RYR3: variants seen among roughly 807,000 people sequenced by gnomAD.
RYR3 encodes the protein ryanodine receptor 3, also known as brain ryanodine receptor-calcium release channel.
Under a neutral mutation model 584.3 loss-of-function variants are expected in RYR3, and 207 were observed. That is an observed-to-expected ratio of 0.35 (90% CI 0.32 to 0.40). The LOEUF (loss-of-function observed/expected upper bound fraction) is 0.40, where lower values mean the gene tolerates loss of function less well. Among genes scored for constraint, RYR3 ranks in the 10% least tolerant of loss-of-function variants. The pLI, the probability that RYR3 is intolerant of heterozygous loss-of-function variation, is 1.00. For missense variants in RYR3, 5,616 were observed against 6,089.2 expected (o/e 0.92, Z 2.59); for synonymous variants, 2,416 against 2,248.5 (o/e 1.07, Z -2.11).
chr15:33,561,728 A>G (rs1424983847), intron 10 of RYR3, among the ~76,000 whole-genome samples: 1 of 151,824 alleles, frequency 6.6e-6, no homozygotes, highest in Non-Finnish European at 1.5e-5. Flanking sequence ...ACAAAACAAC[A>G]ACAACAACAA....
intron 43 of RYR3, among the ~76,000 whole-genome samples, chr15:33,719,984 TG>T (rs1388099874): frequency 6.6e-6 from 1 of 152,222 alleles, no homozygotes; most frequent in Non-Finnish European, 1.5e-5. Context: ...TAATAAAAAC[TG>T]ATTGTTTTTT....
chr15:33,400,793 A>G (rs2042610339), intron 1 of RYR3, among the ~76,000 whole-genome samples: 1 of 152,202 alleles, frequency 6.6e-6, no homozygotes, highest in Non-Finnish European at 1.5e-5. Flanking sequence ...CCACCAACGC[A>G]TAATCCAACA....
intron 1 of RYR3, among the ~76,000 whole-genome samples, chr15:33,471,926 G>A (rs1266756666): frequency 6.6e-6 from 1 of 152,044 alleles, no homozygotes; most frequent in Non-Finnish European, 1.5e-5. Context: ...GGATCCTAAC[G>A]CCCCTGGTTG....
chr15:33,384,453 TTATAA>T (rs1342218468), intron 1 of RYR3, among the ~76,000 whole-genome samples: 1 of 140,320 alleles, frequency 7.1e-6, no homozygotes, highest in East Asian at 2.0e-4. Flanking sequence ...ATTAATATAA[TTATAA>T]TATTATATTA....
intron 60 of RYR3, among the ~76,000 whole-genome samples, chr15:33,762,015 T>A (rs2152869478): frequency 6.6e-6 from 1 of 152,300 alleles, no homozygotes; most frequent in South Asian, 2.1e-4. Flanking sequence ...AACCACATGA[T>A]TATCTCAATA....
chr15:33,480,944 T>G (rs2049906068), intron 2 of RYR3, among the ~76,000 whole-genome samples: 1 of 152,220 alleles, frequency 6.6e-6, no homozygotes, highest in South Asian at 2.1e-4. Context: ...TTAAAAACTA[T>G]GAGGATTTGT....
At chr15:33,349,994 T>A (rs1973030143) in intron 1 of RYR3, among the ~76,000 whole-genome samples, 1 of 151,960 alleles carries the variant, frequency 6.6e-6, no homozygotes, top group East Asian at 1.9e-4. Context: ...CAGTCTATCA[T>A]TGTTGGACAT....
At chr15:33,519,450 C>T (rs983287135) in intron 3 of RYR3, among the ~76,000 whole-genome samples, 13 of 151,982 alleles carry the variant, frequency 8.6e-5, no homozygotes, top group African/African-American at 2.9e-4. Context: ...AGGATGCTTC[C>T]GAGAACACAG....
intron 3 of RYR3, among the ~76,000 whole-genome samples, chr15:33,508,857 G>A (rs758582092): frequency 1.7e-4 from 26 of 152,226 alleles, no homozygotes; most frequent in Non-Finnish European, 3.2e-4. Flanking sequence ...ACCACACACA[G>A]CATGGTTGCT....
In RYR3 at chr15:33,311,735, G is replaced by A. The variant is rs1170825825; in HGVS notation, c.51+639G>A. ...CTGACTGCCTGTCGTGTGTTCGAGA[G>A]CTGTGGCTTCTGCTCCTGGCTCCCG... On this transcript the variant is annotated intron_variant, in intron 1 of 103. Coordinates refer to ENST00000634891, the MANE Select transcript of RYR3 (RefSeq NM_001036.6). The surrounding 1 kb of genome is among the most constrained non-coding windows in gnomAD (Gnocchi z 4.4). Among the ~76,000 whole-genome samples the A allele has an allele frequency of 6.6e-6, 1 of 152,242 alleles. No homozygotes were observed. Among genetic ancestry groups the A allele is most frequent in the Non-Finnish European group, 1.5e-5 (1 of 68,042 alleles).
intron 23 of RYR3, among the ~76,000 whole-genome samples, chr15:33,632,253 C>T (rs1188481570): frequency 6.6e-6 from 1 of 152,250 alleles, no homozygotes; most frequent in Admixed American, 6.5e-5. Flanking sequence ...CCATAGATAC[C>T]TTTAAACTCA....
At chr15:33,711,220 C>A (rs987993070) in intron 43 of RYR3, among the ~76,000 whole-genome samples, 3 of 149,712 alleles carry the variant, frequency 2.0e-5, no homozygotes, top group Non-Finnish European at 4.4e-5. Flanking sequence ...AGCAGCCATG[C>A]CACTTCTTTC....
chr15:33,540,022 A>G (rs1192848582), intron 6 of RYR3, among the ~76,000 whole-genome samples: 1 of 152,004 alleles, frequency 6.6e-6, no homozygotes, highest in African/African-American at 2.4e-5. Flanking sequence ...AGTCAACTGC[A>G]CTCGAGGGAT....
At chr15:33,777,012 G>A (rs1180096861) in intron 64 of RYR3, among the ~76,000 whole-genome samples, 1 of 152,186 alleles carries the variant, frequency 6.6e-6, no homozygotes, top group Admixed American at 6.5e-5. Context: ...AACCTGGCAA[G>A]ACCCAGTGGC....
chr15:33,736,689 C>G lies in RYR3; in HGVS notation c.7515+364C>G, dbSNP rs111349512. Among the ~76,000 whole-genome samples, 106 of 152,238 alleles carry G rather than the reference C, an allele frequency of 7.0e-4. 1 individual carries two copies. The highest frequency in any genetic ancestry group is 2.5e-3 in the African/African-American group (105 of 41,538). ...TTAAATTGATTAAAATGTCCCTTTT[C>G]TATTCCATACTGTTTTGTGCTTTTC... On this transcript the variant is annotated intron_variant, in intron 49 of 103. Transcript: ENST00000634891.
chr15:33,687,672 G>C (rs1181173293), intron 38 of RYR3, among the ~76,000 whole-genome samples: 2 of 152,146 alleles, frequency 1.3e-5, no homozygotes, highest in Admixed American at 1.3e-4. Flanking sequence ...ATACTACAAG[G>C]CTGCAGTAAC....
At chr15:33,491,155 A>C (rs145443248) in intron 2 of RYR3, among the ~76,000 whole-genome samples, 14 of 152,310 alleles carry the variant, frequency 9.2e-5, no homozygotes, top group Admixed American at 6.5e-4. Context: ...CATTTGACTA[A>C]TATCTTCAGT....
Position 33,383,386 on chromosome 15 carries a change from T to C in RYR3, c.51+72290T>C, listed in dbSNP as rs2141212582. Among the ~76,000 whole-genome samples, 2 of 151,190 alleles carry C rather than the reference T, an allele frequency of 1.3e-5. 1 individual carries two copies. On this transcript the variant is annotated intron_variant, in intron 1 of 103. Transcript: ENST00000634891. ...AGATACGCCACACTTCGGTGATATG[T>C]CATATTTGTGGTACCTCTGACTGGT...
intron 32 of RYR3, among the ~76,000 whole-genome samples, chr15:33,659,433 C>T (rs1346663243): frequency 1.3e-5 from 2 of 152,218 alleles, no homozygotes; most frequent in African/African-American, 4.8e-5. Context: ...TAGCTTCACA[C>T]CTACCTGTCC....
Sources: allele counts gnomAD v4.1 joint callset (sites outside exome capture counted in the v4.1 genomes callset), GRCh38; gene constraint gnomAD v4.1.1; non-coding constraint Gnocchi (gnomAD v3.1); transcripts MANE v1.5; gene names NCBI Gene and HGNC (gene_info 2026-07-23, HGNC 2026-07-21).